The following STARD13 variants were observed in gnomAD, a reference collection of about 807,000 sequenced individuals.
The protein encoded by STARD13 is StAR related lipid transfer domain containing 13, also known as stAR-related lipid transfer protein 13.
In STARD13, 62 loss-of-function variants were observed where a neutral mutation model predicts 106.4. The observed-to-expected ratio is 0.58, with a 90% CI of 0.48 to 0.72. The LOEUF is 0.72. Ranked by LOEUF, STARD13 falls within the 30% of genes least tolerant of loss-of-function variation. The pLI is 0.00. For missense variants in STARD13, 1,387 were observed against 1,424.0 expected, an observed-to-expected ratio of 0.97 and a Z score of 0.42; for synonymous variants, 565 against 553.0, an observed-to-expected ratio of 1.02 and a Z score of -0.31.
At chr13:33,493,470 C>T in the STARD13 span, among the ~76,000 whole-genome samples, 4 of 152,042 alleles carry the variant, frequency 2.6e-5, no homozygotes, top group Admixed American at 1.3e-4. Flanking sequence ...CATACTGATT[C>T]GTCAATCATA....
chr13:33,277,809 T>C (rs1450219215), intron 1 of STARD13: 2 of 152,202 alleles, frequency 1.3e-5, no homozygotes. Flanking sequence ...AATTATTAAC[T>C]CTACCCATAT....
the STARD13 span, among the ~76,000 whole-genome samples, chr13:33,668,944 A>G: frequency 6.6e-6 from 1 of 152,226 alleles, no homozygotes; most frequent in Non-Finnish European, 1.5e-5. Context: ...TGTTTTATTT[A>G]ATTGTCTTAA....
At chr13:33,644,632 T>C in the STARD13 span, among the ~76,000 whole-genome samples, 1 of 152,156 alleles carries the variant, frequency 6.6e-6, no homozygotes, top group Non-Finnish European at 1.5e-5. Context: ...GGTCAGTTCC[T>C]AGAGCTGACA....
chr13:33,154,792 T>C (rs1251716447), intron 3 of STARD13, among the ~76,000 whole-genome samples: 1 of 152,178 alleles, frequency 6.6e-6, no homozygotes, highest in African/African-American at 2.4e-5. Flanking sequence ...TAGTGAGAAC[T>C]GGTCCAGCTT....
the STARD13 span, among the ~76,000 whole-genome samples, chr13:33,396,979 G>T: frequency 2.6e-5 from 4 of 152,264 alleles, no homozygotes; most frequent in South Asian, 4.1e-4. Context: ...ACAGAGACAA[G>T]AATTCAAGGG....
At chr13:33,304,339 G>T (rs1488399938) in intron 1 of STARD13, among the ~76,000 whole-genome samples, 2 of 152,058 alleles carry the variant, frequency 1.3e-5, no homozygotes, top group African/African-American at 4.8e-5. Flanking sequence ...GTTCTGAAAA[G>T]ACATAGGGTC....
chr13:33,213,757 C>T (rs1887864373), intron 1 of STARD13, among the ~76,000 whole-genome samples: 3 of 152,186 alleles, frequency 2.0e-5, no homozygotes, highest in Non-Finnish European at 4.4e-5. Context: ...CTTATCTTGT[C>T]CTTTCACCCC....
chr13:33,633,238 T>C, the STARD13 span, among the ~76,000 whole-genome samples: 10 of 152,208 alleles, frequency 6.6e-5, no homozygotes, highest in Non-Finnish European at 1.5e-4. Context: ...AGGAAAGATT[T>C]GATGGTTTCC....
the STARD13 span, among the ~76,000 whole-genome samples, chr13:33,559,835 C>T: frequency 2.0e-5 from 3 of 151,230 alleles, no homozygotes; most frequent in South Asian, 2.1e-4. Flanking sequence ...CCAGCCTGGG[C>T]GACAGAGTGA....
chr13:33,501,164 T>A, the STARD13 span, among the ~76,000 whole-genome samples: 1 of 148,704 alleles, frequency 6.7e-6, no homozygotes, highest in Non-Finnish European at 1.5e-5. Context: ...GGTCACTCTG[T>A]CTCCCGGGTT....
the STARD13 span, among the ~76,000 whole-genome samples, chr13:33,662,736 A>G: frequency 1.3e-5 from 2 of 152,252 alleles, no homozygotes; most frequent in African/African-American, 4.8e-5. Context: ...GAGATTAAAG[A>G]TCACACAAGG....
chr13:33,536,568 T>C, the STARD13 span, among the ~76,000 whole-genome samples: 3 of 152,182 alleles, frequency 2.0e-5, no homozygotes, highest in East Asian at 3.8e-4. Flanking sequence ...ACATTAGGGA[T>C]GTATATGAGA....
the STARD13 span, among the ~76,000 whole-genome samples, chr13:33,393,034 G>A: frequency 6.6e-6 from 1 of 152,204 alleles, no homozygotes; most frequent in Non-Finnish European, 1.5e-5. Context: ...CTGATGTCAA[G>A]ATCAACTGAA....
chr13:33,671,067 T>C, the STARD13 span, among the ~76,000 whole-genome samples: 4 of 152,252 alleles, frequency 2.6e-5, no homozygotes, highest in Non-Finnish European at 5.9e-5. Context: ...TTGGTCTGAA[T>C]TGCCACCCAT....
chr13:33,447,120 GT>G, the STARD13 span, among the ~76,000 whole-genome samples: 2 of 152,172 alleles, frequency 1.3e-5, no homozygotes, highest in Non-Finnish European at 2.9e-5. Flanking sequence ...TCTGGATCCA[GT>G]TTAGTTAATA....
the STARD13 span, among the ~76,000 whole-genome samples, chr13:33,468,590 C>G: frequency 6.6e-6 from 1 of 151,274 alleles, no homozygotes; most frequent in Non-Finnish European, 1.5e-5. Context: ...CCCCCACTCT[C>G]TCTCTCATCC....
Position 33,129,027 on chromosome 13 carries a change from A to C in STARD13, c.1650T>G (p.Asp550Glu), listed in dbSNP as rs1327229443. ...SVSEGRTTPS[D>E]VERDVTSLNE... ...TAAGAGATGTTACATCTCTTTCCAC[A>C]TCACTGGGTGTCGTCCGACCTTCTG... is the stretch of plus-strand genomic sequence containing the variant. The change falls in exon 5 of 14, where the codon GAT becomes GAG. Residue 550 changes from aspartate to glutamate, a missense_variant. Transcript: ENST00000336934. The C allele has an allele frequency of 6.2e-7, 1 of 1,614,088 alleles. No individual in the cohort carries two copies. The highest frequency in any genetic ancestry group is 1.1e-5 in the South Asian group (1 of 91,060).
At chr13:33,507,128 T>C in the STARD13 span, among the ~76,000 whole-genome samples, 1 of 152,106 alleles carries the variant, frequency 6.6e-6, no homozygotes, top group African/African-American at 2.4e-5. Context: ...TTCTCCTTTT[T>C]CCAACTACAT....
At chr13:33,247,953 G>C (rs2858138) in intron 1 of STARD13, among the ~76,000 whole-genome samples, 106,409 of 152,144 alleles carry the variant, frequency 0.7, 37,708 homozygotes, top group Middle Eastern at 0.74. Context: ...CTTTTCATGT[G>C]GGTGATTTAC....
Sources: gnomAD v4.1 joint callset for allele counts (sites outside exome capture counted in the v4.1 genomes callset) on GRCh38, gnomAD v4.1.1 for gene constraint, MANE v1.5 for transcripts, NCBI Gene and HGNC (gene_info 2026-07-23, HGNC 2026-07-21) for gene names.